RAVER2: variants seen among roughly 807,000 people sequenced by gnomAD.
The protein encoded by RAVER2 is ribonucleoprotein, PTB binding 2.
In RAVER2, 46 loss-of-function variants were observed where a neutral mutation model predicts 78.1. The observed-to-expected ratio is 0.59, with a 90% CI of 0.46 to 0.75. The LOEUF is 0.75. Among genes scored for constraint, RAVER2 ranks in the 30% least tolerant of loss-of-function variants. The pLI is 0.00. For missense variants in RAVER2, 793 were observed against 837.5 expected (o/e 0.95, Z 0.66); for synonymous variants, 311 against 313.3 (o/e 0.99, Z 0.08).
chr1:64,775,119 C>T (rs1652425726), intron 2 of RAVER2, among the ~76,000 whole-genome samples: 1 of 152,088 alleles, frequency 6.6e-6, no homozygotes. Flanking sequence ...ATGTCATCTG[C>T]AAACAGAGAG....
At chr1:64,756,045 T>C (rs1651849171) in intron 1 of RAVER2, among the ~76,000 whole-genome samples, 1 of 152,154 alleles carries the variant, frequency 6.6e-6, no homozygotes. Context: ...AGTTGTCCCA[T>C]CAATGTCCTT....
chr1:64,752,642 A>G (rs901095471), intron 1 of RAVER2, among the ~76,000 whole-genome samples: 1 of 152,014 alleles, frequency 6.6e-6, no homozygotes, highest in Non-Finnish European at 1.5e-5. Context: ...TTTCATCTCT[A>G]TCCCCATCTG....
chr1:64,771,880 A>G (rs1388381922), intron 2 of RAVER2, among the ~76,000 whole-genome samples: 2 of 108,446 alleles, frequency 1.8e-5, no homozygotes, highest in Non-Finnish European at 3.3e-5. Flanking sequence ...CAGTTGATAA[A>G]AGATGCAATT....
chr1:64,788,636 C>G (rs1652849547), intron 4 of RAVER2, among the ~76,000 whole-genome samples: 1 of 151,678 alleles, frequency 6.6e-6, no homozygotes, highest in South Asian at 2.1e-4. Context: ...ACTAAAAATA[C>G]AAAAAATTAG....
intron 1 of RAVER2, among the ~76,000 whole-genome samples, chr1:64,749,354 G>T (rs376173894): frequency 6.6e-6 from 1 of 152,156 alleles, no homozygotes; most frequent in Admixed American, 6.5e-5. Flanking sequence ...GGGATTACAG[G>T]CATGTGCCAC....
At chr1:64,762,273 C>G (rs1260716338) in intron 1 of RAVER2, among the ~76,000 whole-genome samples, 2 of 151,968 alleles carry the variant, frequency 1.3e-5, no homozygotes, top group East Asian at 3.8e-4. Context: ...TTTAAGAAGA[C>G]CTAAATAAAT....
At position 64,779,387 on chromosome 1, in the gene RAVER2, A is replaced by AC. The variant is rs1652566007; in HGVS notation, c.786+1296dup. 2.2e-5 allele frequency among the ~76,000 whole-genome samples: 3 copies of AC among 138,086 alleles called. No individual in the cohort carries two copies. The South Asian group carries it at 6.6e-4, about 31-fold the overall frequency. 90.6% of individuals were successfully genotyped at this position (138,086 alleles called of 152,430 possible). ...AATTTTGCAGTAATATATATTTTTAACATTTTTTTTTTGAGACAGGGTCTT... is the reference window on the plus strand; with the variant it reads ...AATTTTGCAGTAATATATATTTTTAACCATTTTTTTTTTGAGACAGGGTCTT... On this transcript the variant is annotated intron_variant, in intron 3 of 11. Transcript: ENST00000294428.
intron 2 of RAVER2, 43 bp downstream of exon 2, chr1:64,768,765 C>T (rs374484877): frequency 1.6e-6 from 2 of 1,226,454 alleles, no homozygotes; most frequent in East Asian, 2.4e-5. Flanking sequence ...TTTGATTCTC[C>T]CTGTACTCGT....
chr1:64,777,913 C>T, exon 3 of RAVER2: 5 of 1,614,082 alleles, frequency 3.1e-6, no homozygotes, highest in Non-Finnish European at 4.2e-6. Context: ...TAGACTGGAG[C>T]TATTGGGTAG....
chr1:64,797,761 A>T (rs1193691759), intron 5 of RAVER2, among the ~76,000 whole-genome samples: 5 of 152,076 alleles, frequency 3.3e-5, no homozygotes, highest in Admixed American at 1.3e-4. Flanking sequence ...CACCGTATCT[A>T]TCTATATCTA....
At chr1:64,749,474 G>A (rs1651636365) in intron 1 of RAVER2, among the ~76,000 whole-genome samples, 1 of 152,200 alleles carries the variant, frequency 6.6e-6, no homozygotes, top group African/African-American at 2.4e-5. Context: ...GCCTCCCAAA[G>A]TGCTGGGATT....
chr1:64,777,856 G>A (rs1167011671), exon 3 of RAVER2: 2 of 1,614,090 alleles, frequency 1.2e-6, no homozygotes, highest in Admixed American at 3.3e-5. Flanking sequence ...CCATTCCAAA[G>A]GCTATGGATT....
At chr1:64,817,022 C>A (rs368885020) in intron 11 of RAVER2, among the ~76,000 whole-genome samples, 1 of 152,060 alleles carries the variant, frequency 6.6e-6, no homozygotes, top group Non-Finnish European at 1.5e-5. Flanking sequence ...AGGGCTAATA[C>A]CCAGAATCTA....
chr1:64,808,635 T>TA (rs1653514392), intron 9 of RAVER2, among the ~76,000 whole-genome samples: 4 of 151,960 alleles, frequency 2.6e-5, no homozygotes, highest in Admixed American at 1.3e-4. Context: ...CTGATTTTTG[T>TA]ATTTTTAGTA....
At chr1:64,779,471 C>T (rs532123429) in intron 3 of RAVER2, among the ~76,000 whole-genome samples, 10 of 151,920 alleles carry the variant, frequency 6.6e-5, no homozygotes, top group Admixed American at 5.9e-4. Flanking sequence ...TAGGTTCAAG[C>T]GATCTTCTTG....
chr1:64,778,641 A>G (rs1652539161), intron 3 of RAVER2, among the ~76,000 whole-genome samples: 1 of 151,928 alleles, frequency 6.6e-6, no homozygotes, highest in African/African-American at 2.4e-5. Context: ...GAAAACTGAT[A>G]ACACTGGCGA....
exon 12 of RAVER2, chr1:64,832,572 A>G (rs1654181841): frequency 6.6e-6 from 1 of 152,122 alleles, no homozygotes; most frequent in Admixed American, 6.6e-5. Context: ...GGGACTTGTT[A>G]TTTTTAACTA....
chr1:64,789,761 A>G (rs1036101958), intron 5 of RAVER2, among the ~76,000 whole-genome samples: 7 of 152,198 alleles, frequency 4.6e-5, no homozygotes, highest in Admixed American at 4.6e-4. Flanking sequence ...CTAAATATCA[A>G]ACCTTCTGTT....
intron 11 of RAVER2, 124 bp from the exon 12 acceptor site, chr1:64,830,714 GT>G: frequency 1.2e-6 from 1 of 814,184 alleles, no homozygotes; most frequent in Non-Finnish European, 1.9e-6. Context: ...TTTTTTGATA[GT>G]TTGGGTATTT....
Sources: gnomAD v4.1 joint callset for allele counts (sites outside exome capture counted in the v4.1 genomes callset) on GRCh38, gnomAD v4.1.1 for gene constraint, MANE v1.5 for transcripts, NCBI Gene and HGNC (gene_info 2026-07-23, HGNC 2026-07-21) for gene names.